Variants in CACNA2D4 observed in about 807,000 individuals in gnomAD.
The protein encoded by CACNA2D4 is calcium voltage-gated channel auxiliary subunit alpha2delta 4.
Under a neutral mutation model 163.8 loss-of-function variants are expected in CACNA2D4, and 157 were observed. The observed-to-expected ratio is 0.96, with a 90% CI of 0.84 to 1.09. CACNA2D4 has a LOEUF of 1.09. Among genes scored for constraint, CACNA2D4 ranks in the 50% least tolerant of loss-of-function variants. The pLI is 0.00. For synonymous variants in CACNA2D4, 598 were observed against 586.9 expected (o/e 1.02, Z -0.27); for missense variants, 1,410 against 1,479.9 (o/e 0.95, Z 0.78).
At chr12:1,877,615 T>C (rs1262283839) in intron 16 of CACNA2D4, among the ~76,000 whole-genome samples, 1 of 152,194 alleles carries the variant, frequency 6.6e-6, no homozygotes, top group African/African-American at 2.4e-5. Flanking sequence ...CCCTAAGTTC[T>C]CCGGAAGGTG....
At chr12:1,813,598 C>A (rs529483847) in intron 26 of CACNA2D4, among the ~76,000 whole-genome samples, 66 of 152,326 alleles carry the variant, frequency 4.3e-4, no homozygotes, top group African/African-American at 1.5e-3. Context: ...TGTTCTAGAG[C>A]TCATCTGAGT....
chr12:1,884,896 G>A lies in CACNA2D4; in HGVS notation c.1159-15C>T. 3.7e-6 allele frequency: 6 copies of A among 1,610,124 alleles called. No individual in the cohort carries two copies. Among genetic ancestry groups the A allele is most frequent in the Non-Finnish European group, 5.1e-6 (6 of 1,176,580 alleles). On this transcript the variant is annotated splice_polypyrimidine_tract_variant and intron_variant, in intron 10 of 37. Transcript: ENST00000382722. Reference sequence around the variant, plus strand: ...GCCTCTTGGAACTGTGTAGGGAAGAGGAGTGCCCATGACCACAGGCCAAGC... The same window carrying A: ...GCCTCTTGGAACTGTGTAGGGAAGAAGAGTGCCCATGACCACAGGCCAAGC...
chr12:1,879,035 C>A lies in CACNA2D4; in HGVS notation c.1565G>T (p.Arg522Leu), dbSNP rs746971613. ...MPVFSKKNETRSHGILLGVVG... is the reference protein window; with the variant it reads ...MPVFSKKNETLSHGILLGVVG... The stretch of plus-strand genomic sequence containing the variant: ...CACACCCAGGAGAATGCCATGGGAT[C>A]GCTGGAAGGAAAGACACAAGGGGTG... The change falls in exon 15 of 38, where the codon CGA becomes CTA. Residue 522 changes from arginine to leucine, a missense_variant and splice_region_variant. By Grantham distance (102) the Arg-to-Leu change is moderately radical (BLOSUM62 -2). Transcript: ENST00000382722. 2 of 1,613,546 alleles carry A rather than the reference C, an allele frequency of 1.2e-6. No homozygotes were observed. Among genetic ancestry groups the A allele is most frequent in the South Asian group, 2.2e-5 (2 of 91,066 alleles).
chr12:1,860,726 C>A (rs1865505777), intron 18 of CACNA2D4, among the ~76,000 whole-genome samples: 1 of 152,304 alleles, frequency 6.6e-6, no homozygotes, highest in East Asian at 1.9e-4. Context: ...AGAAGGGGTG[C>A]ACCATTCTCC....
At chr12:1,823,001 G>A (rs755412390) in intron 26 of CACNA2D4, among the ~76,000 whole-genome samples, 18 of 152,216 alleles carry the variant, frequency 1.2e-4, no homozygotes, top group Non-Finnish European at 2.2e-4. Flanking sequence ...CTTCTCTCTG[G>A]CCTTCTGCAG....
At chr12:1,853,884 G>T in intron 23 of CACNA2D4, 67 bp downstream of exon 23, 7 of 1,280,150 alleles carry the variant, frequency 5.5e-6, no homozygotes, top group African/African-American at 1.5e-5. Flanking sequence ...GGTGAGAGGG[G>T]TCCCAACTTA....
intron 13 of CACNA2D4, among the ~76,000 whole-genome samples, chr12:1,881,620 A>G (rs1866000872): frequency 6.6e-6 from 1 of 152,168 alleles, no homozygotes; most frequent in Non-Finnish European, 1.5e-5. Context: ...AGACAGCTCA[A>G]AGAAGATCCC....
intron 6 of CACNA2D4, among the ~76,000 whole-genome samples, chr12:1,901,167 C>T (rs1866527709): frequency 6.6e-6 from 1 of 152,010 alleles, no homozygotes; most frequent in Non-Finnish European, 1.5e-5. Context: ...AATGGAAACA[C>T]AACATACTAA....
intron 23 of CACNA2D4, among the ~76,000 whole-genome samples, chr12:1,848,606 G>C (rs929738716): frequency 2.6e-5 from 4 of 152,052 alleles, no homozygotes; most frequent in Non-Finnish European, 5.9e-5. Flanking sequence ...TTATAGAAGA[G>C]GCAGGATAAA....
chr12:1,840,144 G>A (rs1278020434), intron 26 of CACNA2D4, among the ~76,000 whole-genome samples: 1 of 152,106 alleles, frequency 6.6e-6, no homozygotes, highest in African/African-American at 2.4e-5. Context: ...AGAGGCCCAC[G>A]CAATTTCAGC....
intron 26 of CACNA2D4, among the ~76,000 whole-genome samples, chr12:1,812,632 G>C (rs1045802104): frequency 1.3e-5 from 2 of 152,258 alleles, no homozygotes; most frequent in Non-Finnish European, 2.9e-5. Flanking sequence ...CAGCAGGCCA[G>C]TCCTATTATT....
At chr12:1,857,186 G>A (rs1865418747) in intron 20 of CACNA2D4, among the ~76,000 whole-genome samples, 1 of 152,234 alleles carries the variant, frequency 6.6e-6, no homozygotes. Context: ...TCTGTGCTGT[G>A]GAAGGGCAGA....
intron 18 of CACNA2D4, among the ~76,000 whole-genome samples, chr12:1,865,750 G>A (rs1027684278): frequency 6.6e-6 from 1 of 152,214 alleles, no homozygotes; most frequent in Non-Finnish European, 1.5e-5. Flanking sequence ...GAACCGGGGC[G>A]CGGGGAGGCG....
chr12:1,907,713 G>A, intron 5 of CACNA2D4, 142 bp from the exon 6 acceptor site: 1 of 1,199,662 alleles, frequency 8.3e-7, no homozygotes, highest in Non-Finnish European at 1.2e-6. Flanking sequence ...GGGCGTGTCT[G>A]GTGGACGGCC....
chr12:1,821,623 G>T (rs952157986), intron 26 of CACNA2D4, among the ~76,000 whole-genome samples: 5 of 152,164 alleles, frequency 3.3e-5, no homozygotes, highest in Admixed American at 6.5e-5. Flanking sequence ...GCTTGGGTGG[G>T]GGGTACACAG....
intron 29 of CACNA2D4, 44 bp downstream of exon 29, chr12:1,810,234 T>TC (rs1863659001): frequency 1.3e-6 from 2 of 1,536,648 alleles, no homozygotes; most frequent in East Asian, 4.5e-5. Context: ...TCTCCAGTCC[T>TC]CCTGCCGCCC....
At position 1,904,458 on chromosome 12, in the gene CACNA2D4, A is replaced by G. The variant is rs146517648; in HGVS notation, c.781+2982T>C. On this transcript the variant is annotated intron_variant, in intron 6 of 37. Transcript: ENST00000382722. Reference sequence around the variant, plus strand: ...TATGATTATTACACATTGTATGCCTATATCAAAATATCTCATATACCCCAT... The same window carrying G: ...TATGATTATTACACATTGTATGCCTGTATCAAAATATCTCATATACCCCAT... Among the ~76,000 whole-genome samples, 100 of 152,162 alleles carry G rather than the reference A, an allele frequency of 6.6e-4. 1 individual carries two copies. The East Asian group carries it at 0.019, about 29-fold the overall frequency.
At chr12:1,879,743 G>T (rs1865953356) in intron 14 of CACNA2D4, 61 bp downstream of exon 14, 1 of 1,327,854 alleles carries the variant, frequency 7.5e-7, no homozygotes, top group Non-Finnish European at 1.1e-6. Flanking sequence ...CTGGTCTAAA[G>T]ATGGCACTGA....
chr12:1,882,738 C>T lies in CACNA2D4; in HGVS notation c.1485+129G>A, dbSNP rs1866034145. On this transcript the variant is annotated intron_variant, in intron 13 of 37. Coordinates refer to ENST00000382722, the MANE Select transcript of CACNA2D4 (RefSeq NM_172364.5). The stretch of plus-strand genomic sequence containing the variant: ...AAGCATGGAAAAGCGGCTTCATTCG[C>T]CCCTTCTTAATGTTCCCTAAGGAGG... 1.4e-5 allele frequency: 13 copies of T among 934,660 alleles called. No homozygotes were observed. The South Asian group carries it at 1.7e-4, about 12-fold the overall frequency. 57.9% of individuals were successfully genotyped at this position (934,660 alleles called of 1,614,324 possible).
Sources: gnomAD v4.1 joint callset for allele counts (sites outside exome capture counted in the v4.1 genomes callset) on GRCh38, gnomAD v4.1.1 for gene constraint, MANE v1.5 for transcripts, NCBI Gene and HGNC (gene_info 2026-07-23, HGNC 2026-07-21) for gene names.